USH2A: variants seen among roughly 807,000 people sequenced by gnomAD.
The protein encoded by USH2A is usherin, also known as Usher syndrome 2A (autosomal recessive, mild).
In USH2A, 443 loss-of-function variants were observed where a neutral mutation model predicts 538.9. The ratio of observed to expected loss-of-function variants is 0.82; its 90% confidence interval spans 0.76 to 0.89. The LOEUF is 0.89. Among genes scored for constraint, USH2A ranks in the 40% least tolerant of loss-of-function variants. USH2A has a pLI of 0.00. For missense variants in USH2A, 6,633 were observed against 6,324.8 expected (o/e 1.05, Z -1.65); for synonymous variants, 2,413 against 2,273.5 (o/e 1.06, Z -1.75).
intron 11 of USH2A, among the ~76,000 whole-genome samples, chr1:216,287,269 C>G (rs1345332416): frequency 6.6e-6 from 1 of 152,128 alleles, no homozygotes; most frequent in Non-Finnish European, 1.5e-5. Flanking sequence ...AAACCACTCT[C>G]AGAAAAACTA....
chr1:216,280,810 G>A (rs1034900350), intron 11 of USH2A, among the ~76,000 whole-genome samples: 2 of 152,138 alleles, frequency 1.3e-5, no homozygotes, highest in African/African-American at 4.8e-5. Flanking sequence ...CCAGAACATA[G>A]AGCGCACGAC....
rs58278376 is a variant in USH2A, at chr1:215,661,029, C to A, written c.14133+9943G>T. ...TTGGTTCAAGTACTTAAGTACAATC[C>A]TCCTTAAGTCTTCAGATTTACTTAG... is the stretch of plus-strand genomic sequence containing the variant. On this transcript the variant is annotated intron_variant, in intron 64 of 71. Transcript: ENST00000307340. 2.3e-3 allele frequency among the ~76,000 whole-genome samples: 348 copies of A among 152,288 alleles called. 2 individuals carry two copies. The highest frequency in any genetic ancestry group is 7.7e-3 in the African/African-American group (319 of 41,568).
Position 215,782,216 on chromosome 1 carries a change from G to C in USH2A, c.10586-20C>G. The C allele has an allele frequency of 6.2e-7, 1 of 1,612,456 alleles. No individual in the cohort carries two copies. Among genetic ancestry groups the C allele is most frequent in the Non-Finnish European group, 8.5e-7 (1 of 1,179,072 alleles). On this transcript the variant is annotated intron_variant, in intron 53 of 71. Coordinates refer to ENST00000307340, the MANE Select transcript of USH2A (RefSeq NM_206933.4). ...TAGGACCTAAAAGAAGCAGAAAAAT[G>C]ACTGCATTTGAATGTGATATCATTT...
chr1:215,978,060 G>A (rs566850598), intron 35 of USH2A, among the ~76,000 whole-genome samples: 20 of 152,256 alleles, frequency 1.3e-4, no homozygotes, highest in South Asian at 1.2e-3. Context: ...CCAGGAGGTC[G>A]AGGCTGCAGT....
At chr1:215,897,240 T>C (rs943566729) in intron 40 of USH2A, among the ~76,000 whole-genome samples, 3 of 152,140 alleles carry the variant, frequency 2.0e-5, no homozygotes, top group African/African-American at 7.2e-5. Flanking sequence ...ACACTAAAAA[T>C]ATTGCCATTG....
At chr1:215,704,624 G>C (rs1659132592) in intron 61 of USH2A, among the ~76,000 whole-genome samples, 1 of 152,042 alleles carries the variant, frequency 6.6e-6, no homozygotes, top group South Asian at 2.1e-4. Flanking sequence ...CCTCTCCCTG[G>C]TCTGCCTCTT....
At chr1:215,691,240 A>G (rs2797251) in intron 61 of USH2A, among the ~76,000 whole-genome samples, 27,361 of 152,000 alleles carry the variant, frequency 0.18, 2,986 homozygotes, top group African/African-American at 0.3. Flanking sequence ...TGTATTTTGG[A>G]CACAAGTCAG....
At chr1:216,065,914 A>T (rs2031345725) in intron 30 of USH2A, among the ~76,000 whole-genome samples, 1 of 151,982 alleles carries the variant, frequency 6.6e-6, no homozygotes. Flanking sequence ...AAAAAAATAA[A>T]ATAAAATAAA....
chr1:215,728,089 G>C lies in USH2A; in HGVS notation c.12007C>G (p.Gln4003Glu). Residue 4003 changes from glutamine (Q) to glutamate (E), a missense_variant, in exon 61 of 72, where the codon CAG (glutamine) becomes GAG (glutamate). Physicochemically the swap from Gln to Glu is conservative, Grantham distance 29. Coordinates refer to ENST00000307340, the MANE Select transcript of USH2A (RefSeq NM_206933.4). The stretch of plus-strand genomic sequence containing the variant: ...AATGTAGGATCGTCGGGTCTCTCCT[G>C]GTAGACCACACGGTAATGGGAGATA... ...GIISHYRVVY[Q>E]ERPDDPTFNS... The C allele has an allele frequency of 6.2e-7, 1 of 1,614,130 alleles. No individual in the cohort carries two copies. Among genetic ancestry groups the C allele is most frequent in the Non-Finnish European group, 8.5e-7 (1 of 1,180,040 alleles).
chr1:215,779,735 C>T, intron 55 of USH2A, 108 bp downstream of exon 55: 1 of 1,345,288 alleles, frequency 7.4e-7, no homozygotes, highest in Non-Finnish European at 1.0e-6. Flanking sequence ...AGAACACGTC[C>T]TTTCGAAGTG....
intron 21 of USH2A, among the ~76,000 whole-genome samples, chr1:216,113,533 T>A (rs2032925327): frequency 6.6e-6 from 1 of 152,188 alleles, no homozygotes. Flanking sequence ...TAGTTTTAAT[T>A]TGTATTTACA....
intron 3 of USH2A, among the ~76,000 whole-genome samples, chr1:216,405,649 A>ACATG (rs2039383055): frequency 6.6e-6 from 1 of 152,216 alleles, no homozygotes; most frequent in African/African-American, 2.4e-5. Flanking sequence ...TAAAACACAC[A>ACATG]CATGCAACTG....
At chr1:216,406,236 C>A (rs540940570) in intron 3 of USH2A, among the ~76,000 whole-genome samples, 1 of 151,892 alleles carries the variant, frequency 6.6e-6, no homozygotes, top group Non-Finnish European at 1.5e-5. Flanking sequence ...ATATCCTGGT[C>A]GTAATATTGT....
At chr1:215,801,491 A>C (rs1662332277) in intron 49 of USH2A, among the ~76,000 whole-genome samples, 1 of 152,054 alleles carries the variant, frequency 6.6e-6, no homozygotes, top group African/African-American at 2.4e-5. Flanking sequence ...TCTATACACT[A>C]AGAATGAACA....
Position 216,190,299 on chromosome 1 carries a change from A to G in USH2A, c.4320T>C (p.Tyr1440=). ...AATTGCAGAGAGTAATAGTAAACTCATATATCCTATAAGGTTTCAGTCCTT... is the reference window on the plus strand; with the variant it reads ...AATTGCAGAGAGTAATAGTAAACTCGTATATCCTATAAGGTTTCAGTCCTT... The part of the protein sequence containing the change: ...TVEGLKPYRI[Y]EFTITLCNSV... Residue 1440 remains tyrosine, a synonymous_variant, in exon 20 of 72, where the codon TAT becomes TAC. Transcript: ENST00000307340. 2.5e-6 allele frequency: 4 copies of G among 1,612,496 alleles called. No homozygotes were observed. The highest frequency in any genetic ancestry group is 1.1e-5 in the South Asian group (1 of 91,056).
chr1:215,667,239 C>A, intron 64 of USH2A, among the ~76,000 whole-genome samples: 1 of 152,174 alleles, frequency 6.6e-6, no homozygotes, highest in East Asian at 1.9e-4. Flanking sequence ...TTAGTGAACA[C>A]TTAGAAGGTG....
intron 19 of USH2A, 80 bp from the exon 20 acceptor site, chr1:216,190,447 T>G (rs2102655317): frequency 6.4e-7 from 1 of 1,555,622 alleles, no homozygotes; most frequent in South Asian, 1.1e-5. Flanking sequence ...GCAGTCAAAG[T>G]TCCATGAATT....
At chr1:216,361,330 T>C (rs1456167386) in intron 4 of USH2A, among the ~76,000 whole-genome samples, 1 of 152,126 alleles carries the variant, frequency 6.6e-6, no homozygotes, top group Non-Finnish European at 1.5e-5. Context: ...GGAGGATATC[T>C]TCGTGATATC....
chr1:216,152,778 G>A (rs921380764), intron 21 of USH2A, among the ~76,000 whole-genome samples: 1 of 152,096 alleles, frequency 6.6e-6, no homozygotes, highest in Non-Finnish European at 1.5e-5. Flanking sequence ...CCTGGCAAAG[G>A]CCCCACCCTG....
Sources: allele counts gnomAD v4.1 joint callset (sites outside exome capture counted in the v4.1 genomes callset), GRCh38; gene constraint gnomAD v4.1.1; transcripts MANE v1.5; gene names NCBI Gene and HGNC (gene_info 2026-07-23, HGNC 2026-07-21).